Variants in TAFA1 observed in about 807,000 individuals in gnomAD.
TAFA1 encodes the protein chemokine-like protein TAFA-1.
A neutral mutation model predicts 18.5 loss-of-function variants in TAFA1; 4 were observed. That is an observed-to-expected ratio of 0.22 (90% CI 0.11 to 0.49). The LOEUF (loss-of-function observed/expected upper bound fraction) is 0.49. Ranked by LOEUF, TAFA1 falls within the 20% of genes least tolerant of loss-of-function variation. The pLI is 0.98. For synonymous variants in TAFA1, 56 were observed against 55.2 expected (o/e 1.01, Z -0.06); for missense variants, 147 against 169.0 (o/e 0.87, Z 0.72).
intron 3 of TAFA1, among the ~76,000 whole-genome samples, chr3:68,429,931 C>T (rs2071136590): frequency 1.3e-5 from 2 of 151,872 alleles, no homozygotes; most frequent in Non-Finnish European, 2.9e-5. Flanking sequence ...TTGTTATCTC[C>T]TTTGCTAGAG....
chr3:68,172,888 C>T (rs939582452), intron 2 of TAFA1, among the ~76,000 whole-genome samples: 5 of 151,984 alleles, frequency 3.3e-5, no homozygotes, highest in South Asian at 2.1e-4. Context: ...AGAGTGACTG[C>T]TATGCAAATT....
At chr3:68,309,573 T>C (rs1457845928) in intron 2 of TAFA1, among the ~76,000 whole-genome samples, 1 of 152,178 alleles carries the variant, frequency 6.6e-6, no homozygotes, top group East Asian at 1.9e-4. Context: ...CAAATACAGA[T>C]TTACCTACTA....
intron 2 of TAFA1, among the ~76,000 whole-genome samples, chr3:68,410,865 G>A (rs780216841): frequency 1.2e-3 from 184 of 152,106 alleles, no homozygotes; most frequent in Non-Finnish European, 2.0e-3. Context: ...GGAAAAGTCC[G>A]AAAGATATTT....
chr3:68,285,535 G>T (rs1012557693), intron 2 of TAFA1, among the ~76,000 whole-genome samples: 8 of 151,934 alleles, frequency 5.3e-5, no homozygotes, highest in Admixed American at 3.3e-4. Context: ...TGCTAGAATA[G>T]ATTTATTAAT....
At chr3:68,474,183 T>C (rs1273172043) in intron 3 of TAFA1, among the ~76,000 whole-genome samples, 1 of 152,056 alleles carries the variant, frequency 6.6e-6, no homozygotes, top group Non-Finnish European at 1.5e-5. Context: ...ATTGGTCCCA[T>C]ATACAGACAA....
intron 2 of TAFA1, among the ~76,000 whole-genome samples, chr3:68,199,150 T>G (rs13097089): frequency 0.14 from 21,021 of 151,558 alleles, 1,847 homozygotes; most frequent in Non-Finnish European, 0.19. Flanking sequence ...TGTATTTCCT[T>G]TGTTCATTGT....
chr3:68,198,044 TG>T (rs1310826572), intron 2 of TAFA1, among the ~76,000 whole-genome samples: 2 of 151,708 alleles, frequency 1.3e-5, no homozygotes, highest in African/African-American at 4.8e-5. Context: ...ATGAATGAAT[TG>T]GGGTATTAGT....
chr3:68,538,691 CACA>C, intron 3 of TAFA1, 62 bp from the exon 4 acceptor site: 1 of 1,557,032 alleles, frequency 6.4e-7, no homozygotes, highest in East Asian at 2.2e-5. Flanking sequence ...TGCAGAGGGA[CACA>C]ACGTCAGTGT....
chr3:68,354,084 C>T (rs2069319560), intron 2 of TAFA1, among the ~76,000 whole-genome samples: 1 of 151,788 alleles, frequency 6.6e-6, no homozygotes, highest in South Asian at 2.1e-4. Context: ...GGTTTTCGTT[C>T]ATTTTTTAAA....
At chr3:68,433,705 A>C (rs1249578726) in intron 3 of TAFA1, among the ~76,000 whole-genome samples, 1 of 152,128 alleles carries the variant, frequency 6.6e-6, no homozygotes, top group East Asian at 1.9e-4. Flanking sequence ...CTATAATCCT[A>C]AATTTAAGTT....
intron 2 of TAFA1, chr3:68,145,416 G>C: frequency 2.3e-6 from 2 of 852,180 alleles, no homozygotes; most frequent in Non-Finnish European, 4.1e-6. Flanking sequence ...GCCTTTGTTG[G>C]ACTTCCTATA....
intron 3 of TAFA1, among the ~76,000 whole-genome samples, chr3:68,530,768 CA>C (rs201227025): frequency 0.012 from 1,827 of 149,652 alleles, 29 homozygotes; most frequent in African/African-American, 0.043. Context: ...TAGCTCAGAT[CA>C]AAAAAAAAGT....
chr3:68,114,457 G>A (rs1317692593), intron 2 of TAFA1, among the ~76,000 whole-genome samples: 1 of 152,176 alleles, frequency 6.6e-6, no homozygotes, highest in Non-Finnish European at 1.5e-5. Flanking sequence ...CTTCACAAAA[G>A]ATCATATACA....
intron 2 of TAFA1, among the ~76,000 whole-genome samples, chr3:68,415,417 G>A (rs374177482): frequency 6.6e-6 from 1 of 152,134 alleles, no homozygotes; most frequent in African/African-American, 2.4e-5. Context: ...GACGTGAGGA[G>A]CATTCTCTAA....
intron 3 of TAFA1, among the ~76,000 whole-genome samples, chr3:68,525,857 T>A (rs1037725951): frequency 2.0e-5 from 3 of 152,082 alleles, no homozygotes; most frequent in Non-Finnish European, 4.4e-5. Context: ...CTTTTTTTTT[T>A]AATCAAACAC....
Position 68,414,300 on chromosome 3 carries a change from G to A in TAFA1, c.119-2980G>A, listed in dbSNP as rs186758536. Among the ~76,000 whole-genome samples the A allele has an allele frequency of 3.9e-3, 597 of 152,110 alleles. 5 individuals carry two copies. The highest frequency in any genetic ancestry group is 0.012 in the African/African-American group (508 of 41,484). On this transcript the variant is annotated intron_variant, in intron 2 of 4. Transcript: ENST00000478136. Reference sequence around the variant, plus strand: ...CCAGCCTAGGCAACAGGAGCGAAACGCCATATCAAAACAAACAAACAAACA... The same window carrying A: ...CCAGCCTAGGCAACAGGAGCGAAACACCATATCAAAACAAACAAACAAACA...
At chr3:68,009,374 T>A (rs1208573448) in intron 2 of TAFA1, among the ~76,000 whole-genome samples, 2 of 152,328 alleles carry the variant, frequency 1.3e-5, no homozygotes, top group East Asian at 3.9e-4. Context: ...AAACTGAGAA[T>A]CACATATTAG....
At chr3:68,528,586 G>T (rs2073141664) in intron 3 of TAFA1, among the ~76,000 whole-genome samples, 1 of 152,184 alleles carries the variant, frequency 6.6e-6, no homozygotes, top group South Asian at 2.1e-4. Context: ...CCAACAACCA[G>T]TGCAAAAAGG....
intron 3 of TAFA1, among the ~76,000 whole-genome samples, chr3:68,531,487 T>C (rs2073187713): frequency 6.6e-6 from 1 of 152,122 alleles, no homozygotes; most frequent in Admixed American, 6.5e-5. Flanking sequence ...TCTCCCCTGA[T>C]TCTTCCTTTA....
Sources: gnomAD v4.1 joint callset for allele counts (sites outside exome capture counted in the v4.1 genomes callset) on GRCh38, gnomAD v4.1.1 for gene constraint, MANE v1.5 for transcripts, NCBI Gene and HGNC (gene_info 2026-07-23, HGNC 2026-07-21) for gene names.